The following ZNF736 variants were observed in gnomAD, a reference collection of about 807,000 sequenced individuals.
The protein encoded by ZNF736 is KRAB-containing zinc-finger repressor protein.
Under a neutral mutation model 11.7 loss-of-function variants are expected in ZNF736, and 6 were observed. The observed-to-expected ratio is 0.51, with a 90% CI of 0.28 to 1.01. The LOEUF (loss-of-function observed/expected upper bound fraction) is 1.01. ZNF736 is among the 50% of genes least tolerant of loss of function. The pLI is 0.09. For missense variants in ZNF736, 444 were observed against 496.0 expected, an observed-to-expected ratio of 0.90 and a Z score of 1.00; for synonymous variants, 139 against 164.7, an observed-to-expected ratio of 0.84 and a Z score of 1.19.
In ZNF736 at chr7:64,348,125, G is replaced by C; in HGVS notation, c.262G>C (p.Asp88His). 6.5e-7 allele frequency: 1 copy of C among 1,541,310 alleles called. No individual in the cohort carries two copies. Among genetic ancestry groups the C allele is most frequent in the Non-Finnish European group, 8.7e-7 (1 of 1,143,914 alleles). ...SFHFTAEILP[D>H]HDIKDSFQKV... ...TCATTTTACTGCAGAGATATTGCCG[G>C]ATCATGACATAAAAGATTCATTTCA... The change falls in exon 4 of 4, where the codon GAT becomes CAT. Residue 88 changes from aspartate (D) to histidine (H), a missense_variant. Coordinates refer to ENST00000423484, the MANE Select transcript of ZNF736 (RefSeq NM_001170905.3).
intron 1 of ZNF736, among the ~76,000 whole-genome samples, chr7:64,331,610 G>T (rs1280377303): frequency 1.3e-5 from 2 of 152,214 alleles, no homozygotes; most frequent in Non-Finnish European, 2.9e-5. Context: ...GATTGCTGGA[G>T]GGTGCTATTT....
chr7:64,323,070 C>T (rs57341582), intron 1 of ZNF736, among the ~76,000 whole-genome samples: 2 of 152,264 alleles, frequency 1.3e-5, no homozygotes, highest in African/African-American at 4.8e-5. Context: ...GTGCAAACCA[C>T]AGTTTTGCTC....
chr7:64,356,551 AAGTAATATAAACTAAGTTT>A lies in ZNF736; in HGVS notation c.*7406_*7424del. 1.3e-5 allele frequency among the ~76,000 whole-genome samples: 2 copies of A among 152,274 alleles called. No homozygotes were observed. Among genetic ancestry groups the A allele is most frequent in the East Asian group, 3.8e-4 (2 of 5,196 alleles). On this transcript the variant is annotated 3_prime_UTR_variant, in exon 4 of 4. Coordinates refer to ENST00000423484, the MANE Select transcript of ZNF736 (RefSeq NM_001170905.3). ...GGATAATATGTAAAATAATTTATAC[AAGTAATATAAACTAAGTTT>A]ACTTAAATTATTTACTTATTTAAGA... is the stretch of plus-strand genomic sequence containing the variant.
intron 1 of ZNF736, among the ~76,000 whole-genome samples, chr7:64,317,532 T>G (rs1173993464): frequency 2.0e-5 from 3 of 152,128 alleles, no homozygotes; most frequent in Non-Finnish European, 2.9e-5. Context: ...GACCAGATAT[T>G]TTAAAAGACA....
chr7:64,345,755 T>C (rs932642696), intron 3 of ZNF736, among the ~76,000 whole-genome samples: 1 of 72,804 alleles, frequency 1.4e-5, no homozygotes, highest in African/African-American at 5.1e-5. Flanking sequence ...AAAAAAAAGG[T>C]GTGTTGTTTA....
rs1408764142 is a variant in ZNF736 at position 64,319,488 on chromosome 7, C to CTTTTTTTTTTTTTTT, written c.3+5335_3+5336insTTTTTTTTTTTTTTT. On this transcript the variant is annotated intron_variant, in intron 1 of 3. Transcript: ENST00000423484. ...CCAGGTAAATAGAAAACATTTCTTC[C>CTTTTTTTTTTTTTTT]CTTTTTTTTTTTTTTTTTTTTTTTT... 5.6e-4 allele frequency among the ~76,000 whole-genome samples: 42 copies of CTTTTTTTTTTTTTTT among 75,266 alleles called. 15 individuals carry two copies. The highest frequency in any genetic ancestry group is 2.3e-3 in the African/African-American group (42 of 18,366). 49.4% of individuals were successfully genotyped at this position (75,266 alleles called of 152,430 possible). A position where few individuals can be genotyped will look rare whatever the true frequency, so the allele number is the denominator to read the frequency against.
chr7:64,329,679 C>T (rs1789133371), intron 1 of ZNF736, among the ~76,000 whole-genome samples: 1 of 152,322 alleles, frequency 6.6e-6, no homozygotes, highest in African/African-American at 2.4e-5. Flanking sequence ...ACCCCTGTGG[C>T]CACCATCACT....
intron 1 of ZNF736, among the ~76,000 whole-genome samples, chr7:64,333,172 T>C (rs1475239295): frequency 4.6e-5 from 7 of 152,188 alleles, no homozygotes; most frequent in Non-Finnish European, 1.0e-4. Context: ...CTCCAGCTGC[T>C]CCCTCCATTC....
chr7:64,315,663 C>T (rs796200818), intron 1 of ZNF736, among the ~76,000 whole-genome samples: 73 of 152,252 alleles, frequency 4.8e-4, no homozygotes, highest in African/African-American at 1.7e-3. Context: ...TATTTTAATG[C>T]TCCACAGGGT....
At chr7:64,319,392 CCTGA>C (rs1210632077) in intron 1 of ZNF736, among the ~76,000 whole-genome samples, 5 of 112,048 alleles carry the variant, frequency 4.5e-5, no homozygotes, top group South Asian at 3.3e-4. Flanking sequence ...CCTGACTAAG[CCTGA>C]CTGTCAATTC....
intron 3 of ZNF736, among the ~76,000 whole-genome samples, chr7:64,337,808 G>A (rs1299686813): frequency 6.9e-6 from 1 of 144,804 alleles, no homozygotes; most frequent in Non-Finnish European, 1.5e-5. Context: ...AAGCTGGAGT[G>A]CAATGGCACG....
chr7:64,318,186 C>A (rs1310103710), intron 1 of ZNF736, among the ~76,000 whole-genome samples: 1 of 151,772 alleles, frequency 6.6e-6, no homozygotes, highest in East Asian at 1.9e-4. Context: ...ACTAACAGAT[C>A]TAAATATCTT....
At chr7:64,343,602 T>C (rs1217994813) in intron 3 of ZNF736, among the ~76,000 whole-genome samples, 1 of 152,240 alleles carries the variant, frequency 6.6e-6, no homozygotes, top group Non-Finnish European at 1.5e-5. Flanking sequence ...ATGTGCTCTT[T>C]ATAAATGTGC....
At chr7:64,323,898 T>A (rs1163776569) in intron 1 of ZNF736, among the ~76,000 whole-genome samples, 11 of 152,134 alleles carry the variant, frequency 7.2e-5, no homozygotes, top group Non-Finnish European at 1.3e-4. Flanking sequence ...TTGATTTTTT[T>A]AAAAAAGTAA....
chr7:64,335,473 C>G (rs1789234828), intron 1 of ZNF736, among the ~76,000 whole-genome samples: 2 of 152,202 alleles, frequency 1.3e-5, no homozygotes, highest in African/African-American at 4.8e-5. Context: ...TAATCAGCAC[C>G]TGATACAAAT....
intron 3 of ZNF736, among the ~76,000 whole-genome samples, chr7:64,338,759 T>G (rs569952596): frequency 1.3e-5 from 2 of 152,190 alleles, no homozygotes; most frequent in East Asian, 3.9e-4. Context: ...CACTTTAGAT[T>G]GCTTTTGTAT....
intron 3 of ZNF736, 49 bp from the exon 4 acceptor site, chr7:64,348,041 G>A (rs1169939033): frequency 7.5e-7 from 1 of 1,332,274 alleles, no homozygotes; most frequent in Non-Finnish European, 1.0e-6. Context: ...TATTTGTGAA[G>A]TATATTCACC....
chr7:64,340,583 T>C (rs1789323377), intron 3 of ZNF736, among the ~76,000 whole-genome samples: 1 of 152,188 alleles, frequency 6.6e-6, no homozygotes, highest in Non-Finnish European at 1.5e-5. Context: ...TATAAAGGTC[T>C]CTTCTTTGAG....
Position 64,355,207 on chromosome 7 carries a change from GT to G in ZNF736, c.*6061del, listed in dbSNP as rs1789537917. 2 of 169,714 alleles carry G rather than the reference GT, an allele frequency of 1.2e-5. No homozygotes were observed. The highest frequency in any genetic ancestry group is 2.8e-5 in the Non-Finnish European group (2 of 70,484). 10.5% of individuals were successfully genotyped at this position (169,714 alleles called of 1,614,324 possible). A position where few individuals can be genotyped will look rare whatever the true frequency, so the allele number is the denominator to read the frequency against. On this transcript the variant is annotated 3_prime_UTR_variant, in exon 4 of 4. Transcript: ENST00000423484. ...GGGAGGCAGAGGCCAATTCTATGCAGTCAAACCTGGAATTGCTGACACAGGT... is the reference window on the plus strand; with the variant it reads ...GGGAGGCAGAGGCCAATTCTATGCAGCAAACCTGGAATTGCTGACACAGGT...
Sources: allele counts gnomAD v4.1 joint callset (sites outside exome capture counted in the v4.1 genomes callset), GRCh38; gene constraint gnomAD v4.1.1; transcripts MANE v1.5; gene names NCBI Gene and HGNC (gene_info 2026-07-23, HGNC 2026-07-21).